The following NTM variants were observed in gnomAD, a reference collection of about 807,000 sequenced individuals.
The protein encoded by NTM is IgLON family member 2.
Under a neutral mutation model 42.1 loss-of-function variants are expected in NTM, and 13 were observed. The ratio of observed to expected loss-of-function variants is 0.31; its 90% CI spans 0.20 to 0.49. The LOEUF (loss-of-function observed/expected upper bound fraction) is 0.49. Ranked by LOEUF, NTM falls within the 20% of genes least tolerant of loss-of-function variation. The pLI is 0.99. For missense variants in NTM, 373 were observed against 452.8 expected (o/e 0.82, Z 1.60); for synonymous variants, 187 against 179.2 (o/e 1.04, Z -0.35).
chr11:132,123,168 T>C (rs2136954009), intron 2 of NTM, among the ~76,000 whole-genome samples: 1 of 152,208 alleles, frequency 6.6e-6, no homozygotes, highest in East Asian at 1.9e-4. Context: ...GTCAGAACTG[T>C]GAGGGATCAG....
chr11:132,290,387 A>G (rs35381893), intron 4 of NTM, among the ~76,000 whole-genome samples: 18,745 of 152,084 alleles, frequency 0.12, 1,378 homozygotes, highest in Non-Finnish European at 0.17. Context: ...AATAGGAAAT[A>G]GGGCTAAAGA....
intron 2 of NTM, among the ~76,000 whole-genome samples, chr11:132,084,618 T>G (rs189793658): frequency 5.9e-5 from 9 of 152,270 alleles, no homozygotes; most frequent in Non-Finnish European, 1.2e-4. Context: ...AACTAGAATT[T>G]CAGATTACCA....
chr11:132,195,306 C>G (rs1398696387), intron 3 of NTM, among the ~76,000 whole-genome samples: 1 of 151,904 alleles, frequency 6.6e-6, no homozygotes, highest in East Asian at 1.9e-4. Context: ...AAGTCAAAAA[C>G]AAATCGAAAA....
chr11:131,423,401 G>A (rs1325931034), intron 1 of NTM, among the ~76,000 whole-genome samples: 1 of 152,184 alleles, frequency 6.6e-6, no homozygotes, highest in Non-Finnish European at 1.5e-5. Context: ...TCCATTCATA[G>A]TAAAGATTCA....
chr11:131,920,315 A>G (rs1361668567), intron 2 of NTM, among the ~76,000 whole-genome samples: 1 of 152,158 alleles, frequency 6.6e-6, no homozygotes, highest in Non-Finnish European at 1.5e-5. Flanking sequence ...CTCTTCATTC[A>G]TATCTCCTGA....
intron 7 of NTM, among the ~76,000 whole-genome samples, chr11:132,325,194 T>G (rs1325314884): frequency 6.6e-6 from 1 of 151,898 alleles, no homozygotes; most frequent in Non-Finnish European, 1.5e-5. Flanking sequence ...CTAAAGAGCT[T>G]CTGCACAGCA....
chr11:131,758,844 G>A (rs1425739290), intron 1 of NTM, among the ~76,000 whole-genome samples: 4 of 152,084 alleles, frequency 2.6e-5, no homozygotes, highest in South Asian at 4.2e-4. Context: ...CACCTGCCTC[G>A]GCCTCCCAAA....
intron 7 of NTM, among the ~76,000 whole-genome samples, chr11:132,328,626 G>A (rs767900292): frequency 5.9e-5 from 9 of 151,974 alleles, no homozygotes; most frequent in Non-Finnish European, 8.8e-5. Context: ...GAACCAGTAC[G>A]CCCATCACTG....
intron 3 of NTM, among the ~76,000 whole-genome samples, chr11:132,154,437 T>C (rs2072702883): frequency 6.6e-6 from 1 of 152,246 alleles, no homozygotes; most frequent in Non-Finnish European, 1.5e-5. Context: ...AAGACTTTTC[T>C]ACCAATACGT....
intron 2 of NTM, among the ~76,000 whole-genome samples, chr11:131,916,302 G>A (rs182902295): frequency 3.9e-5 from 6 of 152,342 alleles, no homozygotes; most frequent in Non-Finnish European, 7.3e-5. Context: ...TCACTTGGCA[G>A]TTTCAATGAA....
intron 4 of NTM, among the ~76,000 whole-genome samples, chr11:132,246,028 A>G (rs530352149): frequency 6.6e-6 from 1 of 152,318 alleles, no homozygotes; most frequent in Non-Finnish European, 1.5e-5. Context: ...GCCCCGGGCT[A>G]GAGGAGAATG....
At chr11:131,927,978 A>T (rs1431941678) in intron 2 of NTM, among the ~76,000 whole-genome samples, 1 of 152,176 alleles carries the variant, frequency 6.6e-6, no homozygotes, top group Non-Finnish European at 1.5e-5. Context: ...TGTTGGGAAA[A>T]ACTTAAGCTG....
chr11:131,982,657 T>C (rs1299836421), intron 2 of NTM, among the ~76,000 whole-genome samples: 1 of 152,218 alleles, frequency 6.6e-6, no homozygotes, highest in East Asian at 1.9e-4. Context: ...GGAAAAATTA[T>C]TGTAATTCTT....
At chr11:131,934,455 G>A (rs1053382970) in intron 2 of NTM, among the ~76,000 whole-genome samples, 3 of 152,050 alleles carry the variant, frequency 2.0e-5, no homozygotes, top group African/African-American at 2.4e-5. Context: ...CCTGACACAG[G>A]GTAAATATTC....
At chr11:132,276,072 A>G (rs2093716574) in intron 4 of NTM, among the ~76,000 whole-genome samples, 1 of 151,542 alleles carries the variant, frequency 6.6e-6, no homozygotes, top group East Asian at 1.9e-4. Flanking sequence ...TTTAGATTCT[A>G]CATATATGTG....
chr11:132,214,278 C>G (rs571483623), intron 4 of NTM, among the ~76,000 whole-genome samples: 10 of 152,244 alleles, frequency 6.6e-5, no homozygotes, highest in Admixed American at 2.0e-4. Context: ...TGATGTGAGT[C>G]CCCAGTGCTG....
At chr11:132,017,008 G>A (rs891819049) in intron 2 of NTM, among the ~76,000 whole-genome samples, 2 of 151,772 alleles carry the variant, frequency 1.3e-5, no homozygotes, top group Non-Finnish European at 2.9e-5. Context: ...TTCTTATGTT[G>A]TAAGAATTTT....
chr11:131,647,531 CA>C, intron 1 of NTM, among the ~76,000 whole-genome samples: 1 of 152,344 alleles, frequency 6.6e-6, no homozygotes, highest in South Asian at 2.1e-4. Context: ...TGTGATCTGA[CA>C]TACAATCAGC....
intron 2 of NTM, among the ~76,000 whole-genome samples, chr11:131,912,769 C>T (rs1041443574): frequency 7.2e-5 from 11 of 152,184 alleles, no homozygotes; most frequent in African/African-American, 2.7e-4. Context: ...AAAGATAACC[C>T]TGGTGCTGGT....
Sources: gnomAD v4.1 joint callset for allele counts (sites outside exome capture counted in the v4.1 genomes callset) on GRCh38, gnomAD v4.1.1 for gene constraint, MANE v1.5 for transcripts, NCBI Gene and HGNC (gene_info 2026-07-23, HGNC 2026-07-21) for gene names.